The following FAM161A variants were observed in gnomAD, a reference collection of about 807,000 sequenced individuals.
The protein encoded by FAM161A is FAM161 centrosomal protein A.
A neutral mutation model predicts 70.9 loss-of-function variants in FAM161A; 57 were observed. The ratio of observed to expected loss-of-function variants is 0.80; its 90% confidence interval spans 0.65 to 1.00. The LOEUF (loss-of-function observed/expected upper bound fraction) is 1.00, where lower values mean the gene tolerates loss of function less well. FAM161A is among the 50% of genes least tolerant of loss of function. The probability of loss-of-function intolerance (pLI) is 0.00; values close to 1 mark genes in which losing one functional copy is unlikely to be tolerated. For synonymous variants in FAM161A, 299 were observed against 295.7 expected (o/e 1.01, Z -0.12); for missense variants, 880 against 836.0 (o/e 1.05, Z -0.65).
intron 1 of FAM161A, among the ~76,000 whole-genome samples, chr2:61,845,787 C>T (rs115815220): frequency 0.038 from 5,597 of 146,840 alleles, 173 homozygotes; most frequent in Non-Finnish European, 0.053. Context: ...AGAGTGAGAC[C>T]TTGTATCAAG....
In FAM161A at chr2:61,852,846, A is replaced by G. The variant is rs151063028; in HGVS notation, c.183+1013T>C. Among the ~76,000 whole-genome samples the G allele has an allele frequency of 1.6e-4, 24 of 152,248 alleles. No individual in the cohort carries two copies. The East Asian group carries it at 4.4e-3, about 28-fold the overall frequency. ...ATCCAGTGATTTCAGTTAGTCCTCA[A>G]TCATAAGTTTGGTGTCTGAGAAGCT... On this transcript the variant is annotated intron_variant, in intron 1 of 6. Coordinates refer to ENST00000404929, the MANE Select transcript of FAM161A (RefSeq NM_001201543.2).
At position 61,839,772 on chromosome 2, in the gene FAM161A, C is replaced by CCT. The variant is rs1672930943; in HGVS notation, c.1231_1232insAG (p.Cys411Ter). Residue 411 changes from cysteine (C) to a stop codon, truncating the protein, a stop_gained and frameshift_variant, in exon 3 of 7, where the codon TGT (cysteine) becomes TAGGT (stop). Transcript: ENST00000404929. LOFTEE classifies it high-confidence loss of function. ...RSACGCRNPR[C>*]PEQAVKLKCK... Reference sequence around the variant, plus strand: ...CTTCAACTTTACAGCCTGTTCAGGACACCTGGGGTTCCTGCATCCACAAGC... The same window carrying CCT: ...CTTCAACTTTACAGCCTGTTCAGGACCTACCTGGGGTTCCTGCATCCACAAGC... 6.2e-7 allele frequency: 1 copy of CCT among 1,614,120 alleles called. No individual in the cohort carries two copies. The highest frequency in any genetic ancestry group is 1.1e-5 in the South Asian group (1 of 91,072).
At chr2:61,853,203 C>A (rs950889745) in intron 1 of FAM161A, among the ~76,000 whole-genome samples, 1 of 152,064 alleles carries the variant, frequency 6.6e-6, no homozygotes, top group Non-Finnish European at 1.5e-5. Context: ...AGCCACCGCG[C>A]CCGGCCAAGA....
chr2:61,828,732 T>C lies in FAM161A; in HGVS notation c.1852-1474A>G, dbSNP rs147438699. ...CACCAGTGTTGTAATCTTTACTCTG[T>C]GGAGGAAGCAAGGGATATAACAAAA... On this transcript the variant is annotated intron_variant, in intron 5 of 6. Coordinates refer to ENST00000404929, the MANE Select transcript of FAM161A (RefSeq NM_001201543.2). Among the ~76,000 whole-genome samples the C allele has an allele frequency of 1.9e-4, 29 of 152,316 alleles. 1 individual carries two copies. The highest frequency in any genetic ancestry group is 6.0e-4 in the African/African-American group (25 of 41,576).
chr2:61,842,686 T>C (rs1392777817), intron 1 of FAM161A, among the ~76,000 whole-genome samples: 3 of 152,210 alleles, frequency 2.0e-5, no homozygotes, highest in Non-Finnish European at 1.5e-5. Context: ...AGTATTTCTA[T>C]AAGGAGCCTC....
At chr2:61,847,701 G>A (rs183426723) in intron 1 of FAM161A, among the ~76,000 whole-genome samples, 1 of 152,266 alleles carries the variant, frequency 6.6e-6, no homozygotes, top group Admixed American at 6.5e-5. Context: ...GAGCCCAGGA[G>A]GTTGGGGCTG....
At chr2:61,834,465 CTT>C (rs77909946) in intron 5 of FAM161A, among the ~76,000 whole-genome samples, 11 of 142,462 alleles carry the variant, frequency 7.7e-5, no homozygotes, top group Non-Finnish European at 7.7e-5. Context: ...ACAATATACC[CTT>C]TTTTTTTTTT....
chr2:61,835,904 A>G (rs2105073436), intron 5 of FAM161A, 106 bp downstream of exon 5: 2 of 805,902 alleles, frequency 2.5e-6, no homozygotes, highest in Admixed American at 4.4e-5. Context: ...AATGTATCTC[A>G]ACAGTTATAT....
At chr2:61,837,296 T>TA (rs1434448996) in intron 4 of FAM161A, among the ~76,000 whole-genome samples, 1 of 152,124 alleles carries the variant, frequency 6.6e-6, no homozygotes, top group Non-Finnish European at 1.5e-5. Flanking sequence ...GGAACCAAAA[T>TA]ATATAAATTT....
At chr2:61,806,970 G>A in the FAM161A span, among the ~76,000 whole-genome samples, 3 of 152,116 alleles carry the variant, frequency 2.0e-5, no homozygotes, top group African/African-American at 7.2e-5. Flanking sequence ...GGGATTACAG[G>A]CGTGAGCCAC....
intron 3 of FAM161A, among the ~76,000 whole-genome samples, chr2:61,839,025 G>A (rs910090840): frequency 2.0e-5 from 3 of 151,702 alleles, no homozygotes; most frequent in Non-Finnish European, 2.9e-5. Flanking sequence ...TGGGATTACA[G>A]GCACCCGCCA....
the FAM161A span, among the ~76,000 whole-genome samples, chr2:61,811,509 G>A: frequency 1.3e-5 from 2 of 152,066 alleles, no homozygotes; most frequent in African/African-American, 2.4e-5. Flanking sequence ...AGGTAGCTGC[G>A]ATTACAGGCG....
chr2:61,833,879 T>G (rs1672675746), intron 5 of FAM161A, among the ~76,000 whole-genome samples: 1 of 152,002 alleles, frequency 6.6e-6, no homozygotes, highest in Admixed American at 6.6e-5. Context: ...AAAATAAAAT[T>G]AGCTGGGCAT....
chr2:61,839,789 T>G lies in FAM161A; in HGVS notation c.1215A>C (p.Gly405=), dbSNP rs753097496. 1 of 1,614,158 alleles carries G rather than the reference T, an allele frequency of 6.2e-7. No individual in the cohort carries two copies. Among genetic ancestry groups the G allele is most frequent in the Non-Finnish European group, 8.5e-7 (1 of 1,180,032 alleles). ...SSPLPCRSAC[G]CRNPRCPEQA... ...GTTCAGGACACCTGGGGTTCCTGCA[T>G]CCACAAGCTGACCTACAAGGCAGAG... Residue 405 remains glycine, a synonymous_variant, in exon 3 of 7, where the codon GGA becomes GGC. Transcript: ENST00000404929.
chr2:61,801,074 T>A, the FAM161A span, among the ~76,000 whole-genome samples: 4 of 151,826 alleles, frequency 2.6e-5, no homozygotes, highest in African/African-American at 9.7e-5. Flanking sequence ...GGATTACAGG[T>A]GTGAGCCACC....
chr2:61,813,727 A>G, the FAM161A span, among the ~76,000 whole-genome samples: 1 of 150,914 alleles, frequency 6.6e-6, no homozygotes, highest in Non-Finnish European at 1.5e-5. Context: ...TCAAAAAAAA[A>G]AAAAAAAAGA....
At chr2:61,830,159 T>C (rs754175664) in intron 5 of FAM161A, among the ~76,000 whole-genome samples, 25 of 152,102 alleles carry the variant, frequency 1.6e-4, no homozygotes, top group Non-Finnish European at 3.5e-4. Flanking sequence ...AACATTTTAG[T>C]AGGGGAATGA....
downstream of FAM161A, among the ~76,000 whole-genome samples, chr2:61,824,193 A>ATTTTTTTT (rs5831622): frequency 2.3e-5 from 3 of 127,830 alleles, no homozygotes; most frequent in Admixed American, 8.4e-5. Context: ...CGCCTGGCTA[A>ATTTTTTTT]TTTTTTTTTT....
At chr2:61,820,250 C>G, downstream of FAM161A, 1 of 644,660 alleles carries the variant, frequency 1.6e-6, no homozygotes, top group South Asian at 1.7e-5. Flanking sequence ...CAGCTCTTCA[C>G]TGGAGGATCG....
Sources: allele counts gnomAD v4.1 joint callset (sites outside exome capture counted in the v4.1 genomes callset), GRCh38; gene constraint gnomAD v4.1.1; transcripts MANE v1.5; gene names NCBI Gene and HGNC (gene_info 2026-07-23, HGNC 2026-07-21).